SAP30L: variants seen among roughly 807,000 people sequenced by gnomAD.
SAP30L encodes SAP30 like.
Under a neutral mutation model 22.3 loss-of-function variants are expected in SAP30L, and 10 were observed. That is an observed-to-expected ratio of 0.45 (90% CI 0.28 to 0.76). SAP30L has a LOEUF of 0.76. Ranked by LOEUF, SAP30L falls within the 30% of genes least tolerant of loss-of-function variation. The pLI, the probability that SAP30L is intolerant of heterozygous loss-of-function variation, is 0.14. For missense variants in SAP30L, 206 were observed against 237.9 expected, an observed-to-expected ratio of 0.87 and a Z score of 0.88; for synonymous variants, 91 against 94.1, an observed-to-expected ratio of 0.97 and a Z score of 0.19.
At position 154,459,736 on chromosome 5, in the gene SAP30L, C is replaced by T. The variant is rs1757335202; in HGVS notation, c.*3708C>T. Reference sequence around the variant, plus strand: ...CTTGCCCCACAAAAACGGATGCTCACATCATCAGGAAATTGTTCAGCTGGA... The same window carrying T: ...CTTGCCCCACAAAAACGGATGCTCATATCATCAGGAAATTGTTCAGCTGGA... On this transcript the variant is annotated 3_prime_UTR_variant, in exon 4 of 4. Transcript: ENST00000297109. 6.6e-6 allele frequency: 1 copy of T among 152,224 alleles called. No individual in the cohort carries two copies. Among genetic ancestry groups the T allele is most frequent in the African/African-American group, 2.4e-5 (1 of 41,466 alleles). 9.4% of individuals were successfully genotyped at this position (152,224 alleles called of 1,614,324 possible).
rs1756989526 is a variant in SAP30L at position 154,446,083 on chromosome 5, G to C, written c.-522G>C. 1 of 151,570 alleles carries C rather than the reference G, an allele frequency of 6.6e-6. No homozygotes were observed. Among genetic ancestry groups the C allele is most frequent in the Non-Finnish European group, 1.5e-5 (1 of 67,876 alleles). The allele number at this position is 151,570 out of a possible 1,614,324, so 9.4% of individuals were successfully genotyped here. On this transcript the variant is annotated 5_prime_UTR_variant, in exon 1 of 4. Coordinates refer to ENST00000297109, the MANE Select transcript of SAP30L (RefSeq NM_024632.6). ...GCGCAGCCGAGTGGCTGCAGGGGTG[G>C]AGTGGGCCGGACGAGCCGCGGGGCC...
chr5:154,453,624 CTG>C (rs1757200388), intron 3 of SAP30L, 124 bp downstream of exon 3: 1 of 688,568 alleles, frequency 1.5e-6, no homozygotes, highest in East Asian at 2.7e-5. Flanking sequence ...GGAAGCAACT[CTG>C]TATTCCTCTT....
intron 2 of SAP30L, chr5:154,452,615 G>T (rs1757168461): frequency 3.1e-6 from 1 of 318,066 alleles, no homozygotes; most frequent in Non-Finnish European, 4.5e-6. Flanking sequence ...CCAGTCATCT[G>T]CAAAGACCCC....
chr5:154,454,485 CA>C (rs150359463), intron 3 of SAP30L, among the ~76,000 whole-genome samples: 1,610 of 152,288 alleles, frequency 0.011, 31 homozygotes, highest in African/African-American at 0.037. Flanking sequence ...CAGAGATAAC[CA>C]CTCTTTATGT....
intron 3 of SAP30L, among the ~76,000 whole-genome samples, chr5:154,454,709 G>C (rs1757227546): frequency 6.6e-6 from 1 of 152,198 alleles, no homozygotes; most frequent in Admixed American, 6.5e-5. Flanking sequence ...ATTTGCCAGT[G>C]TTCTCCCTGG....
chr5:154,447,083 A>C (rs987204533), intron 1 of SAP30L, among the ~76,000 whole-genome samples: 6 of 152,208 alleles, frequency 3.9e-5, no homozygotes, highest in Admixed American at 1.3e-4. Context: ...ATTGGTTTAG[A>C]CTTTAGAGCA....
rs1462517447 is a variant in SAP30L, at chr5:154,456,470, C to T, written c.*442C>T. The T allele has an allele frequency of 1.9e-5, 3 of 162,020 alleles. No homozygotes were observed. The highest frequency in any genetic ancestry group is 1.8e-4 in the East Asian group (1 of 5,440). 10.0% of individuals were successfully genotyped at this position (162,020 alleles called of 1,614,324 possible). On this transcript the variant is annotated 3_prime_UTR_variant, in exon 4 of 4. Coordinates refer to ENST00000297109, the MANE Select transcript of SAP30L (RefSeq NM_024632.6). ...CTGCCCGCTGGCGACATAGATATCC[C>T]GCCCGCTTTGTTGCAAGCTTTGTCA...
At chr5:154,454,462 T>C (rs1292996435) in intron 3 of SAP30L, among the ~76,000 whole-genome samples, 2 of 152,226 alleles carry the variant, frequency 1.3e-5, no homozygotes, top group African/African-American at 4.8e-5. Context: ...AAGAAAAATA[T>C]AATTCTATCA....
intron 3 of SAP30L, among the ~76,000 whole-genome samples, chr5:154,454,200 T>C (rs1757214861): frequency 6.6e-6 from 1 of 152,234 alleles, no homozygotes; most frequent in African/African-American, 2.4e-5. Flanking sequence ...GAGCTATTTT[T>C]TTTTCCTTGA....
At position 154,449,870 on chromosome 5, in the gene SAP30L, T is replaced by G. The variant is rs138737027; in HGVS notation, c.202-1221T>G. Among the ~76,000 whole-genome samples, 57 of 152,352 alleles carry G rather than the reference T, an allele frequency of 3.7e-4. No homozygotes were observed. In the East Asian group the frequency reaches 8.7e-3, roughly 23 times the overall value. ...ACATCAACATTTTTCGAGTACCTCCTGTCTGCAAGACACCATCACAGTATA... is the reference window on the plus strand; with the variant it reads ...ACATCAACATTTTTCGAGTACCTCCGGTCTGCAAGACACCATCACAGTATA... On this transcript the variant is annotated intron_variant, in intron 1 of 3. Coordinates refer to ENST00000297109, the MANE Select transcript of SAP30L (RefSeq NM_024632.6).
intron 3 of SAP30L, 134 bp downstream of exon 3, chr5:154,453,634 C>T (rs1439524564): frequency 1.5e-6 from 1 of 656,808 alleles, no homozygotes; most frequent in Non-Finnish European, 2.7e-6. Flanking sequence ...CTGTATTCCT[C>T]TTTGGCAATT....
chr5:154,451,842 G>T (rs1314714334), intron 2 of SAP30L, among the ~76,000 whole-genome samples: 1 of 152,158 alleles, frequency 6.6e-6, no homozygotes, highest in Non-Finnish European at 1.5e-5. Flanking sequence ...ATCCCCTCGT[G>T]AGATTCTACC....
Position 154,446,518 on chromosome 5 carries a change from G to A in SAP30L, c.-87G>A, listed in dbSNP as rs1177787222. 1 of 1,132,178 alleles carries A rather than the reference G, an allele frequency of 8.8e-7. No homozygotes were observed. The highest frequency in any genetic ancestry group is 3.2e-5 in the East Asian group (1 of 31,326). The allele number at this position is 1,132,178 out of a possible 1,614,324, so 70.1% of individuals were successfully genotyped here. A position where few individuals can be genotyped will look rare whatever the true frequency, so the allele number is the denominator to read the frequency against. On this transcript the variant is annotated 5_prime_UTR_variant, in exon 1 of 4. Transcript: ENST00000297109. ...GACTCTGGGACCCTCGGCTGCGGGG[G>A]TCTCAGCGACCTGCCCCGCGGCAAG...
At chr5:154,452,220 G>A (rs1179014371) in intron 2 of SAP30L, among the ~76,000 whole-genome samples, 1 of 152,162 alleles carries the variant, frequency 6.6e-6, no homozygotes, top group Non-Finnish European at 1.5e-5. Context: ...AGATGTGGAG[G>A]AAACCGTTGA....
rs746253180 is a variant in SAP30L at position 154,446,665 on chromosome 5, G to C, written c.61G>C (p.Ala21Pro). The change falls in exon 1 of 4, where the codon GCC (alanine) becomes CCC (proline). Residue 21 changes from alanine (A) to proline (P), a missense_variant. This residue lies in a region of SAP30L where 70 missense variants were observed against 50.5 expected (regional missense o/e 1.39). Transcript: ENST00000297109. ...AGGGCCCCCCGCCGCCCCAGCTGCC[G>C]CCGCCCCGGGCTACGGCCAGAGCTG... ...REGPPAAPAA[A>P]APGYGQSCCL... 6.5e-7 allele frequency: 1 copy of C among 1,549,326 alleles called. No homozygotes were observed. Among genetic ancestry groups the C allele is most frequent in the East Asian group, 2.5e-5 (1 of 40,606 alleles).
intron 1 of SAP30L, among the ~76,000 whole-genome samples, chr5:154,449,986 C>CATG (rs1757105588): frequency 6.6e-6 from 1 of 152,194 alleles, no homozygotes; most frequent in Non-Finnish European, 1.5e-5. Flanking sequence ...TTATTTTCTC[C>CATG]ATGAAAAGGT....
Position 154,446,785 on chromosome 5 carries a change from A to G in SAP30L, c.181A>G (p.Lys61Glu). ...VQKSISQKKL[K>E]LDIDKSVRHL... ...GAAGAGCATCTCGCAGAAGAAACTC[A>G]AGCTGGACATCGACAAGAGCGTGAG... Residue 61 changes from lysine (K) to glutamate (E), a missense_variant, in exon 1 of 4, where the codon AAG becomes GAG. By Grantham distance (56) the Lys-to-Glu change is moderately conservative. Around this residue, in one of 2 missense-constraint regions of SAP30L, gnomAD observed 136 missense variants for 187.4 expected, o/e 0.73. Coordinates refer to ENST00000297109, the MANE Select transcript of SAP30L (RefSeq NM_024632.6). The G allele has an allele frequency of 1.2e-6, 2 of 1,603,482 alleles. No individual in the cohort carries two copies. Among genetic ancestry groups the G allele is most frequent in the Non-Finnish European group, 1.7e-6 (2 of 1,176,522 alleles).
intron 2 of SAP30L, 96 bp downstream of exon 2, chr5:154,451,309 T>A: frequency 3.1e-6 from 4 of 1,293,898 alleles, no homozygotes; most frequent in Non-Finnish European, 4.3e-6. Flanking sequence ...TAAGAAGTAA[T>A]TTTAGTCCTT....
chr5:154,459,679 A>G lies in SAP30L; in HGVS notation c.*3651A>G, dbSNP rs1051792456. ...GATGAGAAGATGTTAGCAGCCTGCT[A>G]AACCTCAGACAGATGAGGACTCAGT... On this transcript the variant is annotated 3_prime_UTR_variant, in exon 4 of 4. Transcript: ENST00000297109. 1.3e-5 allele frequency: 2 copies of G among 152,230 alleles called. No individual in the cohort carries two copies. The highest frequency in any genetic ancestry group is 4.8e-5 in the African/African-American group (2 of 41,430). The allele number at this position is 152,230 out of a possible 1,614,324, so 9.4% of individuals were successfully genotyped here. A position where few individuals can be genotyped will look rare whatever the true frequency, so the allele number is the denominator to read the frequency against.
Sources: allele counts gnomAD v4.1 joint callset (sites outside exome capture counted in the v4.1 genomes callset), GRCh38; gene constraint gnomAD v4.1.1; regional missense constraint gnomAD v4.1.1; transcripts MANE v1.5; gene names NCBI Gene and HGNC (gene_info 2026-07-23, HGNC 2026-07-21).